HTRA1: variants seen among roughly 807,000 people sequenced by gnomAD.
HTRA1 encodes the protein serine protease HTRA1.
Under a neutral mutation model 49.7 loss-of-function variants are expected in HTRA1, and 26 were observed. The observed-to-expected ratio is 0.52, with a 90% CI of 0.38 to 0.73. HTRA1 has a LOEUF of 0.73. Among genes scored for constraint, HTRA1 ranks in the 30% least tolerant of loss-of-function variants. The pLI is 0.00. For missense variants in HTRA1, 561 were observed against 667.2 expected (o/e 0.84, Z 1.75); for synonymous variants, 291 against 286.9 (o/e 1.01, Z -0.14).
intron 3 of HTRA1, among the ~76,000 whole-genome samples, chr10:122,505,111 A>G (rs1035888825): frequency 6.6e-6 from 1 of 152,222 alleles, no homozygotes; most frequent in South Asian, 2.1e-4. Context: ...AAGTTGCTTC[A>G]TTCTCACAGT....
In HTRA1 at chr10:122,494,163, A is replaced by G. The variant is rs969425653; in HGVS notation, c.777+4537A>G. Among the ~76,000 whole-genome samples the G allele has an allele frequency of 6.6e-6, 1 of 152,008 alleles. No individual in the cohort carries two copies. The highest frequency in any genetic ancestry group is 2.4e-5 in the African/African-American group (1 of 41,374). Reference sequence around the variant, plus strand: ...TTTCCCTCCTCGTCTATTTATCACAATTTAGAGTCGCCTCACTCATTTGTC... The same window carrying G: ...TTTCCCTCCTCGTCTATTTATCACAGTTTAGAGTCGCCTCACTCATTTGTC... On this transcript the variant is annotated intron_variant, in intron 3 of 8. Transcript: ENST00000368984. The surrounding 1 kb of genome is among the most constrained non-coding windows in gnomAD (Gnocchi z 4.0).
chr10:122,488,802 A>G (rs2097494316), intron 1 of HTRA1, 100 bp from the exon 2 acceptor site: 5 of 958,912 alleles, frequency 5.2e-6, no homozygotes, highest in Admixed American at 1.7e-5. Context: ...TCAGAATTCC[A>G]AAGGCTGGGC....
At chr10:122,511,904 T>C in intron 7 of HTRA1, 66 bp from the exon 8 acceptor site, 1 of 1,141,992 alleles carries the variant, frequency 8.8e-7, no homozygotes, top group South Asian at 1.2e-5. Flanking sequence ...TGGTGAGAGC[T>C]GAGTTTTGCG....
Position 122,494,565 on chromosome 10 carries a change from G to A in HTRA1, c.777+4939G>A, listed in dbSNP as rs190880362. Among the ~76,000 whole-genome samples, 3 of 152,242 alleles carry A rather than the reference G, an allele frequency of 2.0e-5. No homozygotes were observed. The highest frequency in any genetic ancestry group is 1.9e-4 in the East Asian group (1 of 5,150). On this transcript the variant is annotated intron_variant, in intron 3 of 8. Transcript: ENST00000368984. The surrounding 1 kb of genome is among the most constrained non-coding windows in gnomAD (Gnocchi z 4.0). The stretch of plus-strand genomic sequence containing the variant: ...TTTCCCGTGGGTGCTTTTCCCTGAC[G>A]CCAACAACCAGGTAAATATTTGGAA...
rs748858441 is a variant in HTRA1, at chr10:122,487,354, T to C, written c.473-1548T>C. On this transcript the variant is annotated intron_variant, in intron 1 of 8. Coordinates refer to ENST00000368984, the MANE Select transcript of HTRA1 (RefSeq NM_002775.5). The surrounding 1 kb of genome is among the most constrained non-coding windows in gnomAD (Gnocchi z 4.8). The stretch of plus-strand genomic sequence containing the variant: ...GTGGCAAGATTAGGAGCCGGAGTAG[T>C]AGGCTAAGGCTGCACTTCCAGGGAC... 2.0e-5 allele frequency among the ~76,000 whole-genome samples: 3 copies of C among 152,158 alleles called. No individual in the cohort carries two copies. The highest frequency in any genetic ancestry group is 4.4e-5 in the Non-Finnish European group (3 of 68,028).
intron 1 of HTRA1, among the ~76,000 whole-genome samples, chr10:122,466,018 C>T (rs548932176): frequency 6.6e-6 from 1 of 152,218 alleles, no homozygotes; most frequent in Admixed American, 6.5e-5. Flanking sequence ...CAGGGGTGCC[C>T]AGAAACTCCA....
chr10:122,506,944 A>G lies in HTRA1; in HGVS notation c.972+59A>G. The G allele has an allele frequency of 6.9e-7, 1 of 1,450,544 alleles. No individual in the cohort carries two copies. The highest frequency in any genetic ancestry group is 9.6e-7 in the Non-Finnish European group (1 of 1,039,672). 89.9% of individuals were successfully genotyped at this position (1,450,544 alleles called of 1,614,324 possible). A position where few individuals can be genotyped will look rare whatever the true frequency, so the allele number is the denominator to read the frequency against. ...GGCAGAGTTTTGCCAGGGGGAGAGG[A>G]GTCAGCATAGGTCTTAGCCCCTGAC... On this transcript the variant is annotated intron_variant, in intron 4 of 8. Coordinates refer to ENST00000368984, the MANE Select transcript of HTRA1 (RefSeq NM_002775.5). The surrounding 1 kb of genome is among the most constrained non-coding windows in gnomAD (Gnocchi z 5.2).
rs2097503104 is a variant in HTRA1 at position 122,506,462 on chromosome 10, T to C, written c.778-229T>C. 6.6e-6 allele frequency among the ~76,000 whole-genome samples: 1 copy of C among 152,066 alleles called. No individual in the cohort carries two copies. The highest frequency in any genetic ancestry group is 2.4e-5 in the African/African-American group (1 of 41,398). On this transcript the variant is annotated intron_variant, in intron 3 of 8. Coordinates refer to ENST00000368984, the MANE Select transcript of HTRA1 (RefSeq NM_002775.5). The surrounding 1 kb of genome is among the most constrained non-coding windows in gnomAD (Gnocchi z 5.2). The stretch of plus-strand genomic sequence containing the variant: ...ACGGTTTCCTTGGTGTGTGTGTGGC[T>C]TCAGTGTTCACTGGCTCCCGCACGG...
intron 1 of HTRA1, among the ~76,000 whole-genome samples, chr10:122,485,536 A>T (rs1391703614): frequency 6.6e-6 from 1 of 152,194 alleles, no homozygotes; most frequent in South Asian, 2.1e-4. Context: ...GGTCCATCTT[A>T]CAGATGAGGA....
chr10:122,481,463 T>C (rs943813973), intron 1 of HTRA1, among the ~76,000 whole-genome samples: 1 of 152,204 alleles, frequency 6.6e-6, no homozygotes, highest in African/African-American at 2.4e-5. Flanking sequence ...CTGTATACTC[T>C]CTACAAGCTG....
intron 1 of HTRA1, among the ~76,000 whole-genome samples, chr10:122,483,817 T>C (rs2097492024): frequency 6.6e-6 from 1 of 152,246 alleles, no homozygotes; most frequent in African/African-American, 2.4e-5. Context: ...CCCTAATTAC[T>C]TGATATTTAT....
chr10:122,498,854 T>C (rs1429319644), intron 3 of HTRA1, among the ~76,000 whole-genome samples: 1 of 152,222 alleles, frequency 6.6e-6, no homozygotes, highest in Admixed American at 6.5e-5. Flanking sequence ...AACTTGGGGC[T>C]TTAGCTCAGG....
chr10:122,461,618 T>C lies in HTRA1; in HGVS notation c.-35T>C, dbSNP rs1459876637. 1.6e-6 allele frequency: 2 copies of C among 1,252,848 alleles called. No individual in the cohort carries two copies. Among genetic ancestry groups the C allele is most frequent in the Non-Finnish European group, 1.0e-6 (1 of 967,412 alleles). The allele number at this position is 1,252,848 out of a possible 1,614,324, so 77.6% of individuals were successfully genotyped here. On this transcript the variant is annotated 5_prime_UTR_variant, in exon 1 of 9. Transcript: ENST00000368984. ...CGGCGCCGCTCTCCGGCCCTCGCCC[T>C]GTCCGCCGCCACCGCCGCCGCCGCC...
chr10:122,485,370 T>C (rs968432506), intron 1 of HTRA1, among the ~76,000 whole-genome samples: 1 of 152,226 alleles, frequency 6.6e-6, no homozygotes, highest in Admixed American at 6.5e-5. Context: ...CTGCTCCTTC[T>C]TTCTGTTTCC....
At chr10:122,472,176 C>A (rs2097486398) in intron 1 of HTRA1, among the ~76,000 whole-genome samples, 1 of 151,854 alleles carries the variant, frequency 6.6e-6, no homozygotes, top group African/African-American at 2.4e-5. Flanking sequence ...CCTCTCCTAG[C>A]ATAAGGACTC....
chr10:122,479,492 A>G (rs1427344304), intron 1 of HTRA1, among the ~76,000 whole-genome samples: 2 of 152,142 alleles, frequency 1.3e-5, no homozygotes, highest in African/African-American at 4.8e-5. Flanking sequence ...ATTTGTGCCT[A>G]TTATTGGGCT....
At chr10:122,479,985 C>T (rs1433500663) in intron 1 of HTRA1, among the ~76,000 whole-genome samples, 2 of 152,106 alleles carry the variant, frequency 1.3e-5, no homozygotes, top group Non-Finnish European at 2.9e-5. Flanking sequence ...GGACCCAGCT[C>T]TGGGCTGAGA....
At chr10:122,475,392 C>G (rs577064096) in intron 1 of HTRA1, among the ~76,000 whole-genome samples, 2 of 152,342 alleles carry the variant, frequency 1.3e-5, no homozygotes, top group East Asian at 1.9e-4. Flanking sequence ...CCGGCTCCCC[C>G]GCCTCTTCCT....
Position 122,461,598 on chromosome 10 carries a change from C to T in HTRA1, c.-55C>T. 1.7e-6 allele frequency: 2 copies of T among 1,159,980 alleles called. No homozygotes were observed. The highest frequency in any genetic ancestry group is 2.3e-6 in the Non-Finnish European group (2 of 885,926). 71.9% of individuals were successfully genotyped at this position (1,159,980 alleles called of 1,614,324 possible). The stretch of plus-strand genomic sequence containing the variant: ...AGGCCCTCCTGCACTCTCCCCGGCG[C>T]CGCTCTCCGGCCCTCGCCCTGTCCG... On this transcript the variant is annotated 5_prime_UTR_variant, in exon 1 of 9. Coordinates refer to ENST00000368984, the MANE Select transcript of HTRA1 (RefSeq NM_002775.5).
Sources: gnomAD v4.1 joint callset for allele counts (sites outside exome capture counted in the v4.1 genomes callset) on GRCh38, gnomAD v4.1.1 for gene constraint, Gnocchi (gnomAD v3.1) non-coding constraint, MANE v1.5 for transcripts, NCBI Gene and HGNC (gene_info 2026-07-23, HGNC 2026-07-21) for gene names.